The following PLB1 variants were observed in gnomAD, a reference collection of about 807,000 sequenced individuals.
The protein encoded by PLB1 is phospholipase B1, also known as phospholipase B1, membrane-associated.
A neutral mutation model predicts 227.4 loss-of-function variants in PLB1; 242 were observed. The ratio of observed to expected loss-of-function variants is 1.06; its 90% CI spans 0.96 to 1.18. The LOEUF is 1.18. Among genes scored for constraint, PLB1 ranks in the 50% most tolerant of loss-of-function variants. PLB1 has a pLI of 0.00. For synonymous variants in PLB1, 757 were observed against 682.2 expected (o/e 1.11, Z -1.71); for missense variants, 1,858 against 1,816.3 (o/e 1.02, Z -0.42).
At chr2:28,598,168 G>A (rs1683271807) in intron 34 of PLB1, 120 bp downstream of exon 34, 1 of 823,480 alleles carries the variant, frequency 1.2e-6, no homozygotes, top group South Asian at 1.7e-5. Context: ...CAGCATTTAA[G>A]TAGGAGACAG....
At chr2:28,540,981 G>A (rs1363079478) in intron 12 of PLB1, among the ~76,000 whole-genome samples, 1 of 152,174 alleles carries the variant, frequency 6.6e-6, no homozygotes, top group African/African-American at 2.4e-5. Flanking sequence ...GACCAGTCTG[G>A]GCAACATAGT....
At chr2:28,641,040 C>G in intron 57 of PLB1, 39 bp downstream of exon 57, 1 of 1,592,254 alleles carries the variant, frequency 6.3e-7, no homozygotes, top group Non-Finnish European at 8.6e-7. Flanking sequence ...GGAACAGATG[C>G]CTGGGGTGGG....
intron 37 of PLB1, 49 bp from the exon 38 acceptor site, chr2:28,601,850 C>T (rs769186821): frequency 1.3e-6 from 2 of 1,499,488 alleles, no homozygotes; most frequent in South Asian, 2.3e-5. Flanking sequence ...CCCCACTGCC[C>T]TCCCACCCTA....
In PLB1 at chr2:28,593,988, T is replaced by C. The variant is rs1026876980; in HGVS notation, c.2321+234T>C. The C allele has an allele frequency of 4.0e-6, 3 of 745,610 alleles. No individual in the cohort carries two copies. In the South Asian group the frequency reaches 4.1e-5, roughly 10 times the overall value. The allele number at this position is 745,610 out of a possible 1,614,324, so 46.2% of individuals were successfully genotyped here. A position where few individuals can be genotyped will look rare whatever the true frequency, so the allele number is the denominator to read the frequency against. ...ATTGTGCAGAGAAAGTAAACCAGGG[T>C]TCTTATCAGACTCCTGGGTCAGCAA... is the stretch of plus-strand genomic sequence containing the variant. On this transcript the variant is annotated intron_variant, in intron 33 of 57. Transcript: ENST00000327757.
At chr2:28,552,794 A>G in intron 16 of PLB1, 134 bp from the exon 17 acceptor site, 6 of 700,634 alleles carry the variant, frequency 8.6e-6, no homozygotes, top group Non-Finnish European at 1.5e-5. Context: ...GTTGAAGGAG[A>G]GGGAGAAATC....
chr2:28,573,383 A>G lies in PLB1; in HGVS notation c.1433+78A>G, dbSNP rs977574809. 3 of 1,087,472 alleles carry G rather than the reference A, an allele frequency of 2.8e-6. No homozygotes were observed. The Admixed American group carries it at 5.5e-5, about 20-fold the overall frequency. 67.4% of individuals were successfully genotyped at this position (1,087,472 alleles called of 1,614,324 possible). On this transcript the variant is annotated intron_variant, in intron 21 of 57. Coordinates refer to ENST00000327757, the MANE Select transcript of PLB1 (RefSeq NM_153021.5). Reference sequence around the variant, plus strand: ...GGTGGGCTTGGCCTAAACTGGGTTTATGGCTGAAGGTTGAAGGGCTTTGTC... The same window carrying G: ...GGTGGGCTTGGCCTAAACTGGGTTTGTGGCTGAAGGTTGAAGGGCTTTGTC...
At chr2:28,584,045 C>G (rs1680505872) in intron 25 of PLB1, among the ~76,000 whole-genome samples, 1 of 152,086 alleles carries the variant, frequency 6.6e-6, no homozygotes, top group Non-Finnish European at 1.5e-5. Context: ...AGACTGTGCT[C>G]CCCTACCCTG....
In PLB1 at chr2:28,643,207, G is replaced by C; in HGVS notation, c.*146G>C. On this transcript the variant is annotated 3_prime_UTR_variant, in exon 58 of 58. Coordinates refer to ENST00000327757, the MANE Select transcript of PLB1 (RefSeq NM_153021.5). ...ACAGTCACAACTTCTTGGGGCCTGG[G>C]CTTCTTCCAGGCCTATGCTCCTGGA... is the stretch of plus-strand genomic sequence containing the variant. 1 of 669,038 alleles carries C rather than the reference G, an allele frequency of 1.5e-6. No individual in the cohort carries two copies. The highest frequency in any genetic ancestry group is 2.5e-6 in the Non-Finnish European group (1 of 403,232). 41.4% of individuals were successfully genotyped at this position (669,038 alleles called of 1,614,324 possible). A position where few individuals can be genotyped will look rare whatever the true frequency, so the allele number is the denominator to read the frequency against.
At position 28,605,564 on chromosome 2, in the gene PLB1, G is replaced by A. The variant is rs528931987; in HGVS notation, c.2962-289G>A. ...GATCCCACTCCTTCATCTGTGGCAT[G>A]GCCTCGGGCATTACATGAATGTGCC... On this transcript the variant is annotated intron_variant, in intron 41 of 57. Coordinates refer to ENST00000327757, the MANE Select transcript of PLB1 (RefSeq NM_153021.5). Among the ~76,000 whole-genome samples, 6 of 152,270 alleles carry A rather than the reference G, an allele frequency of 3.9e-5. 1 individual carries two copies. In the East Asian group the frequency reaches 1.2e-3, roughly 29 times the overall value.
In PLB1 at chr2:28,592,648, C is replaced by T; in HGVS notation, c.2189-13C>T. On this transcript the variant is annotated splice_polypyrimidine_tract_variant and intron_variant, in intron 31 of 57. Transcript: ENST00000327757. ...CCTCCTGCAGCCCTAAGTGTGTCCA[C>T]TTGTCTTTCCAGTGCATGCCCTGAG... 6.2e-7 allele frequency: 1 copy of T among 1,614,136 alleles called. No individual in the cohort carries two copies. Among genetic ancestry groups the T allele is most frequent in the East Asian group, 2.2e-5 (1 of 44,876 alleles).
chr2:28,509,588 G>C (rs1237885962), intron 1 of PLB1, among the ~76,000 whole-genome samples: 14 of 152,210 alleles, frequency 9.2e-5, no homozygotes, highest in Non-Finnish European at 1.9e-4. Context: ...TTGGATGACT[G>C]ATCTCGGCCA....
At chr2:28,550,378 G>A (rs1439962503) in intron 16 of PLB1, among the ~76,000 whole-genome samples, 3 of 151,840 alleles carry the variant, frequency 2.0e-5, no homozygotes, top group East Asian at 3.9e-4. Flanking sequence ...GTTTCACCAT[G>A]TTAGCCAGGC....
Position 28,582,091 on chromosome 2 carries a change from C to T in PLB1, c.1590C>T (p.Phe530=), listed in dbSNP as rs145272304. ...NDLVHYSPQN[F]TDNIGKALDI... is the part of the protein sequence containing the mutation. ...AGGTCCACTATTCTCCCCAGAACTT[C>T]ACAGACAACATTGGAAAGGCCCTGG... The change falls in exon 24 of 58, where the codon TTC becomes TTT. Residue 530 remains phenylalanine (F), a synonymous_variant. Transcript: ENST00000327757. 1 of 1,614,044 alleles carries T rather than the reference C, an allele frequency of 6.2e-7. No homozygotes were observed. The highest frequency in any genetic ancestry group is 8.5e-7 in the Non-Finnish European group (1 of 1,179,898).
At chr2:28,628,112 A>C (rs1162894616) in intron 51 of PLB1, among the ~76,000 whole-genome samples, 1 of 152,208 alleles carries the variant, frequency 6.6e-6, no homozygotes, top group African/African-American at 2.4e-5. Flanking sequence ...ACTGAGTCAC[A>C]GGGGATAGAA....
chr2:28,524,712 C>CT (rs2148185631), intron 4 of PLB1, among the ~76,000 whole-genome samples: 1 of 152,228 alleles, frequency 6.6e-6, no homozygotes, highest in African/African-American at 2.4e-5. Context: ...GCATTGAAAT[C>CT]TAAGTGGAGG....
At chr2:28,553,205 C>G (rs915432716) in intron 17 of PLB1, among the ~76,000 whole-genome samples, 12 of 152,302 alleles carry the variant, frequency 7.9e-5, no homozygotes, top group African/African-American at 2.4e-4. Context: ...AGCAGTAACC[C>G]TGTACCAGGC....
intron 20 of PLB1, among the ~76,000 whole-genome samples, chr2:28,571,526 C>T (rs1300558661): frequency 6.6e-6 from 1 of 151,650 alleles, no homozygotes; most frequent in East Asian, 1.9e-4. Context: ...TCAGAGGATT[C>T]ATACTTACCA....
At chr2:28,526,034 A>G in intron 6 of PLB1, 89 bp downstream of exon 6, 1 of 1,420,696 alleles carries the variant, frequency 7.0e-7, no homozygotes, top group East Asian at 2.4e-5. Context: ...AATGGACACC[A>G]CCAGCCACTT....
chr2:28,519,909 TTTTTA>T (rs898655897), intron 4 of PLB1, 146 bp downstream of exon 4: 20 of 353,116 alleles, frequency 5.7e-5, no homozygotes, highest in Non-Finnish European at 9.3e-5. Flanking sequence ...AATCTTTTTA[TTTTTA>T]TTTTATTTTA....
Sources: allele counts gnomAD v4.1 joint callset (sites outside exome capture counted in the v4.1 genomes callset), GRCh38; gene constraint gnomAD v4.1.1; transcripts MANE v1.5; gene names NCBI Gene and HGNC (gene_info 2026-07-23, HGNC 2026-07-21).